The following DNAH17 variants were observed in gnomAD, a reference collection of about 807,000 sequenced individuals.
DNAH17 encodes dynein axonemal heavy chain 17, also known as axonemal beta dynein heavy chain 17.
In DNAH17, 376 loss-of-function variants were observed where a neutral mutation model predicts 485.6. The observed-to-expected ratio is 0.77, with a 90% CI of 0.71 to 0.84. The LOEUF (loss-of-function observed/expected upper bound fraction) is 0.84, where lower values mean the gene tolerates loss of function less well. DNAH17 is among the 40% of genes least tolerant of loss of function. The probability of loss-of-function intolerance (pLI) is 0.00; values close to 1 mark genes in which losing one functional copy is unlikely to be tolerated. For synonymous variants in DNAH17, 3,031 were observed against 2,405.9 expected (o/e 1.26, Z -7.60); for missense variants, 6,370 against 5,839.3 (o/e 1.09, Z -2.96).
chr17:78,553,603 G>C (rs919448050), intron 14 of DNAH17, among the ~76,000 whole-genome samples: 8 of 152,164 alleles, frequency 5.3e-5, no homozygotes, highest in Middle Eastern at 3.4e-3. Context: ...CAATGTAACA[G>C]CCTAATACAC....
At chr17:78,493,947 T>A (rs2089965998) in intron 41 of DNAH17, 89 bp downstream of exon 41, 1 of 1,479,136 alleles carries the variant, frequency 6.8e-7, no homozygotes, top group Non-Finnish European at 9.0e-7. Context: ...GTCTCCGGGG[T>A]GGCGGGGAGT....
At chr17:78,480,521 C>T (rs1041959468) in intron 49 of DNAH17, among the ~76,000 whole-genome samples, 163 bp downstream of exon 49, 2 of 152,190 alleles carry the variant, frequency 1.3e-5, no homozygotes, top group African/African-American at 4.8e-5. Context: ...CTCATCCTCT[C>T]CATGCCCTGG....
rs2089882250 is a variant in DNAH17 at position 78,492,039 on chromosome 17, AG to A, written c.6542-470del. Among the ~76,000 whole-genome samples the A allele has an allele frequency of 3.3e-5, 5 of 152,064 alleles. No homozygotes were observed. In the South Asian group the frequency reaches 1.0e-3, roughly 31 times the overall value. ...GAGCTGTACATGCAGAAGCCAGCGAAGGGGGACAGGGAAAGCGGGTCAGGGG... is the reference window on the plus strand; with the variant it reads ...GAGCTGTACATGCAGAAGCCAGCGAAGGGGACAGGGAAAGCGGGTCAGGGG... On this transcript the variant is annotated intron_variant, in intron 42 of 80. Transcript: ENST00000389840.
At chr17:78,507,141 G>C (rs567101654) in intron 29 of DNAH17, 137 bp downstream of exon 29, 2 of 1,001,220 alleles carry the variant, frequency 2.0e-6, no homozygotes, top group Admixed American at 5.4e-5. Flanking sequence ...CCCAGGGAAA[G>C]GCAATTGATT....
intron 16 of DNAH17, among the ~76,000 whole-genome samples, chr17:78,546,485 T>G (rs1225571573): frequency 6.6e-6 from 1 of 152,228 alleles, no homozygotes; most frequent in Admixed American, 6.5e-5. Context: ...GGTATTTTGC[T>G]TTAAAAACTA....
In DNAH17 at chr17:78,543,911, G is replaced by T. The variant is rs778678733; in HGVS notation, c.2478C>A (p.Asn826Lys). 32 of 1,613,940 alleles carry T rather than the reference G, an allele frequency of 2.0e-5. No individual in the cohort carries two copies. In the East Asian group the frequency reaches 6.2e-4, roughly 31 times the overall value. ...LDLDGRIANL[N>K]KRYAAVRDAG... ...CATCCCTGACTGCTGCGTAGCGCTT[G>T]TTGAGGTTGGCAATTCTTCCATCCA... is the stretch of plus-strand genomic sequence containing the variant. Residue 826 changes from asparagine (N) to lysine (K), a missense_variant, in exon 17 of 81, where the codon AAC (asparagine) becomes AAA (lysine). By Grantham distance (94) the Asn-to-Lys change is moderately conservative. Coordinates refer to ENST00000389840, the MANE Select transcript of DNAH17 (RefSeq NM_173628.4).
intron 37 of DNAH17, among the ~76,000 whole-genome samples, chr17:78,496,484 C>T (rs147351948): frequency 0.014 from 2,197 of 151,596 alleles, 22 homozygotes; most frequent in Non-Finnish European, 0.023. Context: ...AGGGTGGGCG[C>T]GACACTGAGG....
intron 61 of DNAH17, 61 bp from the exon 62 acceptor site, chr17:78,458,741 G>A (rs2087933092): frequency 2.1e-6 from 3 of 1,442,606 alleles, no homozygotes; most frequent in South Asian, 2.3e-5. Context: ...GCCCCCTGCA[G>A]CGGCAGCAGG....
At chr17:78,437,916 C>G in intron 73 of DNAH17, 48 bp from the exon 74 acceptor site, 1 of 1,447,750 alleles carries the variant, frequency 6.9e-7, no homozygotes, top group Non-Finnish European at 9.5e-7. Context: ...CAGCTCCTGG[C>G]CCACGAGGAG....
intron 73 of DNAH17, among the ~76,000 whole-genome samples, chr17:78,438,134 C>T (rs561891330): frequency 2.2e-4 from 33 of 152,004 alleles, no homozygotes; most frequent in African/African-American, 7.5e-4. Context: ...ACGGTGAGTC[C>T]TTTGTGTCCT....
intron 17 of DNAH17, among the ~76,000 whole-genome samples, chr17:78,543,515 C>T (rs942537693): frequency 6.6e-6 from 1 of 151,964 alleles, no homozygotes; most frequent in African/African-American, 2.4e-5. Context: ...TGGTCTCGAT[C>T]TCCTGACCTC....
At chr17:78,551,338 A>C (rs997072219) in intron 16 of DNAH17, among the ~76,000 whole-genome samples, 197 bp downstream of exon 16, 4 of 152,182 alleles carry the variant, frequency 2.6e-5, no homozygotes, top group African/African-American at 7.2e-5. Context: ...AGCAGAACTG[A>C]ATTTCACAGA....
At chr17:78,458,491 C>A in intron 62 of DNAH17, 74 bp downstream of exon 62, 3 of 1,319,274 alleles carry the variant, frequency 2.3e-6, no homozygotes, top group Non-Finnish European at 3.3e-6. Context: ...CTCTTCCTCC[C>A]AAGGCAGTTG....
In DNAH17 at chr17:78,475,768, G is replaced by A. The variant is rs753822495; in HGVS notation, c.8220C>T (p.Gly2740=). 5.0e-6 allele frequency: 8 copies of A among 1,613,878 alleles called. No individual in the cohort carries two copies. The highest frequency in any genetic ancestry group is 1.3e-5 in the African/African-American group (1 of 75,000). The change falls in exon 53 of 81, where the codon GGC becomes GGT. Residue 2740 remains glycine (G), a synonymous_variant. Coordinates refer to ENST00000389840, the MANE Select transcript of DNAH17 (RefSeq NM_173628.4). The part of the protein sequence containing the change: ...NIFCHFAQGI[G]DPKYVPVTDM... Reference sequence around the variant, plus strand: ...CGGTTACAGGAACATATTTGGGATCGCCAATCCCTTGAGCAAAGTGGCAGA... The same window carrying A: ...CGGTTACAGGAACATATTTGGGATCACCAATCCCTTGAGCAAAGTGGCAGA...
chr17:78,557,337 G>T (rs958717230), intron 14 of DNAH17, among the ~76,000 whole-genome samples: 1 of 152,116 alleles, frequency 6.6e-6, no homozygotes, highest in African/African-American at 2.4e-5. Flanking sequence ...CATGTAATTG[G>T]CCAGGCTTGG....
chr17:78,456,493 C>T (rs1432578115), intron 62 of DNAH17, among the ~76,000 whole-genome samples: 2 of 152,050 alleles, frequency 1.3e-5, no homozygotes, highest in East Asian at 1.9e-4. Flanking sequence ...AGCACTGTCT[C>T]GACCAGCTGG....
At chr17:78,544,227 G>T (rs1204214306) in intron 16 of DNAH17, among the ~76,000 whole-genome samples, 2 of 152,190 alleles carry the variant, frequency 1.3e-5, no homozygotes, top group African/African-American at 4.8e-5. Context: ...CAGGGCCTAG[G>T]GGAACCACAG....
At position 78,496,018 on chromosome 17, in the gene DNAH17, C is replaced by A. The variant is rs777145501; in HGVS notation, c.5760G>T (p.Gln1920His). 2.5e-6 allele frequency: 4 copies of A among 1,613,780 alleles called. No homozygotes were observed. The highest frequency in any genetic ancestry group is 3.4e-6 in the Non-Finnish European group (4 of 1,179,752). Residue 1920 changes from glutamine (Q) to histidine (H), a missense_variant, in exon 38 of 81, where the codon CAG becomes CAT. By Grantham distance (24) the Gln-to-His change is conservative. Coordinates refer to ENST00000389840, the MANE Select transcript of DNAH17 (RefSeq NM_173628.4). Reference protein sequence around the residue: ...SVIAVQVKCVQDAIRAKKKAF... With the variant: ...SVIAVQVKCVHDAIRAKKKAF... ...CTTTTTTCTTGGCCCGAATTGCATCCTGGACACATTTTACCTGCACGGTTG... is the reference window on the plus strand; with the variant it reads ...CTTTTTTCTTGGCCCGAATTGCATCATGGACACATTTTACCTGCACGGTTG...
At chr17:78,532,783 T>C in intron 19 of DNAH17, 47 bp from the exon 20 acceptor site, 1 of 1,524,802 alleles carries the variant, frequency 6.6e-7, no homozygotes, top group Non-Finnish European at 8.8e-7. Flanking sequence ...TGTTGCCTGG[T>C]TCATAATTTA....
Sources: gnomAD v4.1 joint callset for allele counts (sites outside exome capture counted in the v4.1 genomes callset) on GRCh38, gnomAD v4.1.1 for gene constraint, MANE v1.5 for transcripts, NCBI Gene and HGNC (gene_info 2026-07-23, HGNC 2026-07-21) for gene names.